Variants in P2RX7 observed in about 807,000 individuals in gnomAD.
P2RX7 encodes P2X purinoceptor 7.
A neutral mutation model predicts 71.6 loss-of-function variants in P2RX7; 62 were observed. The observed-to-expected ratio is 0.87, with a 90% CI of 0.71 to 1.07. P2RX7 has a LOEUF of 1.07. P2RX7 is among the 50% of genes least tolerant of loss of function. The pLI is 0.00. For missense variants in P2RX7, 686 were observed against 748.5 expected (o/e 0.92, Z 0.97); for synonymous variants, 299 against 283.3 (o/e 1.06, Z -0.56).
intron 1 of P2RX7, among the ~76,000 whole-genome samples, chr12:121,139,733 CTTTTTT>C (rs10696338): frequency 7.9e-5 from 10 of 126,736 alleles, no homozygotes; most frequent in East Asian, 4.5e-4. Context: ...CCCTGACCAT[CTTTTTT>C]TTTTTTTTTT....
At chr12:121,156,578 C>A (rs1878623353) in intron 3 of P2RX7, among the ~76,000 whole-genome samples, 2 of 152,214 alleles carry the variant, frequency 1.3e-5, no homozygotes, top group Admixed American at 1.3e-4. Flanking sequence ...CAGGGTCACA[C>A]AGCTTGCTGC....
intron 1 of P2RX7, among the ~76,000 whole-genome samples, chr12:121,142,599 C>G (rs1344185540): frequency 1.3e-5 from 2 of 152,134 alleles, no homozygotes; most frequent in Admixed American, 6.6e-5. Context: ...GCGTTGGCCT[C>G]CCAAAGTGCT....
chr12:121,133,789 T>C (rs1489468359), intron 1 of P2RX7, among the ~76,000 whole-genome samples: 1 of 152,254 alleles, frequency 6.6e-6, no homozygotes, highest in East Asian at 1.9e-4. Flanking sequence ...TTGCCGATTC[T>C]GGACATTTCA....
chr12:121,183,355 G>A (rs896877900), intron 12 of P2RX7, among the ~76,000 whole-genome samples: 4 of 151,594 alleles, frequency 2.6e-5, no homozygotes, highest in Non-Finnish European at 5.9e-5. Flanking sequence ...TGGATCACTC[G>A]AGGTCAGGAG....
chr12:121,164,697 G>A (rs866978044), intron 5 of P2RX7, among the ~76,000 whole-genome samples: 2 of 152,160 alleles, frequency 1.3e-5, no homozygotes, highest in Non-Finnish European at 2.9e-5. Context: ...CAGGAGAGTC[G>A]CTTGAACCCG....
intron 8 of P2RX7, among the ~76,000 whole-genome samples, chr12:121,171,318 C>T (rs1225811026): frequency 1.3e-5 from 2 of 151,444 alleles, no homozygotes; most frequent in African/African-American, 4.9e-5. Flanking sequence ...TGCCTCCATC[C>T]TCACATGGCC....
intron 5 of P2RX7, among the ~76,000 whole-genome samples, chr12:121,164,833 G>C (rs1368530803): frequency 6.6e-6 from 1 of 151,700 alleles, no homozygotes; most frequent in Non-Finnish European, 1.5e-5. Context: ...AATACTTTAC[G>C]AAAAAAAAGA....
chr12:121,148,278 G>C (rs953107491), intron 1 of P2RX7, among the ~76,000 whole-genome samples: 1 of 151,418 alleles, frequency 6.6e-6, no homozygotes, highest in Non-Finnish European at 1.5e-5. Flanking sequence ...GCAATGGCAT[G>C]ATCTTGGCTC....
At chr12:121,159,412 G>C (rs1879189511) in intron 3 of P2RX7, among the ~76,000 whole-genome samples, 1 of 101,118 alleles carries the variant, frequency 9.9e-6, no homozygotes, top group African/African-American at 4.5e-5. Flanking sequence ...GCAAGACTCT[G>C]TCTCCAAAAA....
intron 9 of P2RX7, among the ~76,000 whole-genome samples, chr12:121,176,269 A>ACACACACACT (rs1491052308): frequency 7.1e-6 from 1 of 141,650 alleles, no homozygotes; most frequent in African/African-American, 2.6e-5. Context: ...ACACACACAC[A>ACACACACACT]CTACATGGAC....
chr12:121,171,484 T>C (rs1245713689), intron 8 of P2RX7, among the ~76,000 whole-genome samples: 1 of 151,568 alleles, frequency 6.6e-6, no homozygotes, highest in African/African-American at 2.4e-5. Flanking sequence ...ATCTCTCCTT[T>C]ATCTTATAAA....
At chr12:121,174,704 C>T (rs555548877) in intron 8 of P2RX7, among the ~76,000 whole-genome samples, 1 of 152,154 alleles carries the variant, frequency 6.6e-6, no homozygotes, top group South Asian at 2.1e-4. Flanking sequence ...GATGCCAAAC[C>T]TCTTCTTCCC....
At chr12:121,167,429 T>C in intron 7 of P2RX7, 59 bp from the exon 8 acceptor site, 6 of 1,597,902 alleles carry the variant, frequency 3.8e-6, no homozygotes, top group Non-Finnish European at 5.1e-6. Context: ...GGGAGATGTC[T>C]GGCGGTTGCG....
At chr12:121,141,498 G>A (rs1486288575) in intron 1 of P2RX7, among the ~76,000 whole-genome samples, 1 of 152,220 alleles carries the variant, frequency 6.6e-6, no homozygotes, top group East Asian at 1.9e-4. Flanking sequence ...CTGAGGTGGG[G>A]CTGGGGAAGC....
In P2RX7 at chr12:121,149,148, G is replaced by T; in HGVS notation, c.126-5637G>T. 1 of 483,308 alleles carries T rather than the reference G, an allele frequency of 2.1e-6. No individual in the cohort carries two copies. Among genetic ancestry groups the T allele is most frequent in the Non-Finnish European group, 4.1e-6 (1 of 242,656 alleles). 29.9% of individuals were successfully genotyped at this position (483,308 alleles called of 1,614,324 possible). Reference sequence around the variant, plus strand: ...TGACAGTCACTCATATTCAGAGCATGTGGATTGAGACTCTGAAGAACGACT... The same window carrying T: ...TGACAGTCACTCATATTCAGAGCATTTGGATTGAGACTCTGAAGAACGACT... On this transcript the variant is annotated intron_variant, in intron 1 of 12. Transcript: ENST00000328963. The surrounding 1 kb of genome is among the most constrained non-coding windows in gnomAD (Gnocchi z 4.7).
chr12:121,167,205 G>A (rs1354679660), intron 7 of P2RX7, among the ~76,000 whole-genome samples: 1 of 152,030 alleles, frequency 6.6e-6, no homozygotes, highest in Non-Finnish European at 1.5e-5. Flanking sequence ...GGCGTGGGGG[G>A]CATTAAAGGT....
intron 5 of P2RX7, among the ~76,000 whole-genome samples, chr12:121,162,734 C>T (rs1880007475): frequency 6.6e-6 from 1 of 152,084 alleles, no homozygotes; most frequent in Non-Finnish European, 1.5e-5. Context: ...CACTCCTGTA[C>T]CAACTGGTAA....
At chr12:121,177,000 T>C (rs950131040) in intron 9 of P2RX7, 147 bp from the exon 10 acceptor site, 25 of 686,926 alleles carry the variant, frequency 3.6e-5, no homozygotes, top group Non-Finnish European at 6.5e-5. Flanking sequence ...TCAGTCTGCG[T>C]AGTCTCTGCC....
chr12:121,146,264 A>G lies in P2RX7; in HGVS notation c.126-8521A>G, dbSNP rs913306856. 9.7e-5 allele frequency among the ~76,000 whole-genome samples: 13 copies of G among 133,828 alleles called. 1 individual carries two copies. The highest frequency in any genetic ancestry group is 3.5e-4 in the African/African-American group (12 of 34,524). 87.8% of individuals were successfully genotyped at this position (133,828 alleles called of 152,430 possible). A position where few individuals can be genotyped will look rare whatever the true frequency, so the allele number is the denominator to read the frequency against. On this transcript the variant is annotated intron_variant, in intron 1 of 12. Coordinates refer to ENST00000328963, the MANE Select transcript of P2RX7 (RefSeq NM_002562.6). ...CTGTCCCAGCCAAGTTCACATGACC[A>G]TCCTCTTATTTGTCAAGCCTCTCTT...
Sources: gnomAD v4.1 joint callset for allele counts (sites outside exome capture counted in the v4.1 genomes callset) on GRCh38, gnomAD v4.1.1 for gene constraint, Gnocchi (gnomAD v3.1) non-coding constraint, MANE v1.5 for transcripts, NCBI Gene and HGNC (gene_info 2026-07-23, HGNC 2026-07-21) for gene names.